PSD3: variants seen among roughly 807,000 people sequenced by gnomAD.
The protein encoded by PSD3 is PH and SEC7 domain-containing protein 3.
In PSD3, 49 loss-of-function variants were observed where a neutral mutation model predicts 105.5. The ratio of observed to expected loss-of-function variants is 0.46; its 90% CI spans 0.37 to 0.59. PSD3 has a LOEUF of 0.59. Among genes scored for constraint, PSD3 ranks in the 20% least tolerant of loss-of-function variants. The probability of loss-of-function intolerance (pLI) is 0.00; values close to 1 mark genes in which losing one functional copy is unlikely to be tolerated. For missense variants in PSD3, 1,561 were observed against 1,263.8 expected, an observed-to-expected ratio of 1.24 and a Z score of -3.57; for synonymous variants, 557 against 457.8, an observed-to-expected ratio of 1.22 and a Z score of -2.77.
rs192121815 is a variant in PSD3, at chr8:19,040,298, G to A, written c.324+43908C>T. 1.1e-3 allele frequency among the ~76,000 whole-genome samples: 172 copies of A among 152,252 alleles called. 1 individual carries two copies. Among genetic ancestry groups the A allele is most frequent in the African/African-American group, 4.0e-3 (167 of 41,534 alleles). The stretch of plus-strand genomic sequence containing the variant: ...GCTCACTGCAGCCTTAACCTCTTGG[G>A]CTCAAGTGATCTCCCACCTCAGCCT... On this transcript the variant is annotated intron_variant, in intron 1 of 1. Transcript: ENST00000521475.
intron 1 of PSD3, among the ~76,000 whole-genome samples, chr8:18,952,691 T>C (rs1210677743): frequency 4.6e-5 from 7 of 152,202 alleles, no homozygotes; most frequent in Admixed American, 3.3e-4. Context: ...ATTTGGAATA[T>C]AGAAAGCAGA....
At chr8:19,043,466 G>A (rs1217055412) in intron 1 of PSD3, among the ~76,000 whole-genome samples, 2 of 152,142 alleles carry the variant, frequency 1.3e-5, no homozygotes, top group Non-Finnish European at 2.9e-5. Context: ...GTAGATTGGG[G>A]TCCAATCTAT....
intron 2 of PSD3, among the ~76,000 whole-genome samples, chr8:18,923,552 C>T (rs1821169047): frequency 6.6e-6 from 1 of 152,164 alleles, no homozygotes; most frequent in African/African-American, 2.4e-5. Context: ...TATGTTTAGA[C>T]ATACAAAGAC....
intron 4 of PSD3, among the ~76,000 whole-genome samples, chr8:18,836,516 T>C (rs1375963464): frequency 6.6e-6 from 1 of 152,204 alleles, no homozygotes; most frequent in Admixed American, 6.5e-5. Context: ...AATAGTGGAC[T>C]AATAGATTTA....
chr8:19,025,966 G>A (rs1321680241), intron 1 of PSD3, among the ~76,000 whole-genome samples: 1 of 152,194 alleles, frequency 6.6e-6, no homozygotes, highest in Non-Finnish European at 1.5e-5. Flanking sequence ...GTTCCACGTG[G>A]CTGGGGAGAC....
intron 4 of PSD3, among the ~76,000 whole-genome samples, chr8:18,843,285 C>T (rs1419267344): frequency 2.0e-5 from 3 of 147,102 alleles, no homozygotes; most frequent in South Asian, 2.2e-4. Flanking sequence ...GGCGTGAACC[C>T]GGGAGGCGGA....
intron 15 of PSD3, among the ~76,000 whole-genome samples, chr8:18,552,408 A>C (rs1223974668): frequency 6.6e-6 from 1 of 152,196 alleles, no homozygotes; most frequent in African/African-American, 2.4e-5. Context: ...GTTGTTTTTA[A>C]AGCTGAAGAA....
intron 4 of PSD3, among the ~76,000 whole-genome samples, chr8:18,823,860 G>T (rs1188135961): frequency 2.0e-5 from 3 of 151,580 alleles, no homozygotes; most frequent in Non-Finnish European, 4.4e-5. Context: ...TGACAAGGCG[G>T]CCTAGAAAGC....
intron 8 of PSD3, among the ~76,000 whole-genome samples, chr8:18,777,537 A>G (rs1296161717): frequency 6.6e-6 from 1 of 152,178 alleles, no homozygotes; most frequent in East Asian, 1.9e-4. Flanking sequence ...GTTTAAGAAA[A>G]CATTAACACA....
At chr8:18,686,106 T>C (rs1472048508) in intron 9 of PSD3, among the ~76,000 whole-genome samples, 3 of 152,138 alleles carry the variant, frequency 2.0e-5, no homozygotes, top group Non-Finnish European at 4.4e-5. Context: ...CTGATACATG[T>C]CATTTCTGGG....
chr8:18,723,971 C>A (rs1359944757), intron 9 of PSD3, among the ~76,000 whole-genome samples: 2 of 152,090 alleles, frequency 1.3e-5, no homozygotes, highest in African/African-American at 2.4e-5. Flanking sequence ...GTAGTCACAG[C>A]AGTGAAACAC....
At chr8:18,821,876 A>ATG (rs1812768268) in intron 4 of PSD3, among the ~76,000 whole-genome samples, 4 of 67,222 alleles carry the variant, frequency 6.0e-5, no homozygotes, top group African/African-American at 2.2e-4. Context: ...CACACACCAC[A>ATG]CACACACACA....
chr8:19,034,912 C>T (rs1369358900), intron 1 of PSD3, among the ~76,000 whole-genome samples: 1 of 151,950 alleles, frequency 6.6e-6, no homozygotes, highest in African/African-American at 2.4e-5. Flanking sequence ...TCCTCACAGA[C>T]TAACCACGAA....
At chr8:18,570,783 T>C (rs1051116386) in intron 14 of PSD3, among the ~76,000 whole-genome samples, 1 of 151,936 alleles carries the variant, frequency 6.6e-6, no homozygotes, top group Non-Finnish European at 1.5e-5. Context: ...CAATTTCTCA[T>C]ATTGTAATGA....
intron 2 of PSD3, among the ~76,000 whole-genome samples, chr8:18,883,477 A>C (rs1818254724): frequency 6.6e-6 from 1 of 152,134 alleles, no homozygotes; most frequent in South Asian, 2.1e-4. Context: ...GCTCATAGTA[A>C]ATTTCTCTCA....
At chr8:18,630,345 G>A (rs145239752) in intron 11 of PSD3, among the ~76,000 whole-genome samples, 178 of 151,992 alleles carry the variant, frequency 1.2e-3, no homozygotes, top group African/African-American at 4.0e-3. Context: ...CAATCCTCAG[G>A]TTCTGTATCT....
In PSD3 at chr8:18,861,816, T is replaced by C. The variant is rs575432249; in HGVS notation, c.1634+5858A>G. Among the ~76,000 whole-genome samples the C allele has an allele frequency of 1.6e-4, 24 of 152,250 alleles. 1 individual carries two copies. The highest frequency in any genetic ancestry group is 1.5e-3 in the East Asian group (8 of 5,178). On this transcript the variant is annotated intron_variant, in intron 4 of 15. Transcript: ENST00000327040. ...CAAAGTCTTACCACAAAACTGCACA[T>C]TGGTTGATAAGGCTATTTCCATCTT...
At chr8:18,860,510 A>C (rs1238616184) in intron 4 of PSD3, among the ~76,000 whole-genome samples, 3 of 152,154 alleles carry the variant, frequency 2.0e-5, no homozygotes, top group Non-Finnish European at 4.4e-5. Flanking sequence ...AGTGCAATAA[A>C]ATGAGGTTTG....
intron 12 of PSD3, among the ~76,000 whole-genome samples, chr8:18,591,457 C>T (rs556917455): frequency 4.6e-4 from 70 of 152,270 alleles, no homozygotes; most frequent in African/African-American, 1.6e-3. Context: ...AGGTGGTCAA[C>T]CTGAAGCTTC....
Sources: gnomAD v4.1 joint callset for allele counts (sites outside exome capture counted in the v4.1 genomes callset) on GRCh38, gnomAD v4.1.1 for gene constraint, MANE v1.5 for transcripts, NCBI Gene and HGNC (gene_info 2026-07-23, HGNC 2026-07-21) for gene names.